RORB: variants seen among roughly 807,000 people sequenced by gnomAD.
The protein encoded by RORB is nuclear receptor ROR-beta.
A neutral mutation model predicts 59.1 loss-of-function variants in RORB; 6 were observed. The ratio of observed to expected loss-of-function variants is 0.10; its 90% CI spans 0.06 to 0.20. The LOEUF (loss-of-function observed/expected upper bound fraction) is 0.20, where lower values mean the gene tolerates loss of function less well. RORB is among the 10% of genes least tolerant of loss of function. The pLI is 1.00. For synonymous variants in RORB, 215 were observed against 204.5 expected, an observed-to-expected ratio of 1.05 and a Z score of -0.44; for missense variants, 320 against 560.5, an observed-to-expected ratio of 0.57 and a Z score of 4.33.
In RORB at chr9:74,689,841, A is replaced by G. The variant is rs1166146759; in HGVS notation, c.*4223A>G. 1 of 152,202 alleles carries G rather than the reference A, an allele frequency of 6.6e-6. No homozygotes were observed. Among genetic ancestry groups the G allele is most frequent in the African/African-American group, 2.4e-5 (1 of 41,432 alleles). 9.4% of individuals were successfully genotyped at this position (152,202 alleles called of 1,614,324 possible). ...TTACCAGCTTTTTTCAAAAACAACA[A>G]TCAGATGCAAATAATGGCAGTGTTG... On this transcript the variant is annotated 3_prime_UTR_variant, in exon 10 of 10. Coordinates refer to ENST00000376896, the MANE Select transcript of RORB (RefSeq NM_006914.4).
chr9:74,675,923 G>C (rs555582575), intron 9 of RORB, among the ~76,000 whole-genome samples: 1 of 152,344 alleles, frequency 6.6e-6, no homozygotes, highest in South Asian at 2.1e-4. Flanking sequence ...GGCAGCAAAT[G>C]TTTGAACTAT....
At chr9:74,509,282 A>T (rs1355257323) in intron 1 of RORB, among the ~76,000 whole-genome samples, 1 of 152,122 alleles carries the variant, frequency 6.6e-6, no homozygotes, top group Non-Finnish European at 1.5e-5. Context: ...AATAATAACA[A>T]ATTCAAAGTA....
chr9:74,530,404 C>G (rs564249905), intron 1 of RORB, among the ~76,000 whole-genome samples: 7 of 152,076 alleles, frequency 4.6e-5, no homozygotes, highest in Non-Finnish European at 8.8e-5. Context: ...GTGAAAACTT[C>G]GCATTGCTTT....
chr9:74,581,101 T>C (rs1822716354), intron 1 of RORB, among the ~76,000 whole-genome samples: 2 of 152,120 alleles, frequency 1.3e-5, no homozygotes. Flanking sequence ...ATAATTTCTC[T>C]GTGTCCCTAA....
intron 4 of RORB, among the ~76,000 whole-genome samples, chr9:74,656,597 G>A (rs577854564): frequency 6.5e-4 from 99 of 152,194 alleles, no homozygotes; most frequent in African/African-American, 2.3e-3. Context: ...TTAGCCAGGT[G>A]TGGTGGTACC....
intron 1 of RORB, among the ~76,000 whole-genome samples, chr9:74,508,080 GT>G (rs528467031): frequency 2.0e-5 from 3 of 151,870 alleles, no homozygotes; most frequent in Non-Finnish European, 4.4e-5. Context: ...AATATGCTGA[GT>G]TTTTTTCCCC....
chr9:74,508,585 A>C (rs190428876), intron 1 of RORB, among the ~76,000 whole-genome samples: 1 of 152,158 alleles, frequency 6.6e-6, no homozygotes, highest in South Asian at 2.1e-4. Flanking sequence ...GACACCTTCT[A>C]TAGTGAAGAA....
intron 1 of RORB, among the ~76,000 whole-genome samples, chr9:74,597,788 G>A (rs533907473): frequency 1.4e-4 from 21 of 152,008 alleles, no homozygotes; most frequent in Admixed American, 3.3e-4. Context: ...GAGAAACCCC[G>A]TCTCTACTAA....
At chr9:74,500,334 A>G (rs1825789549) in intron 1 of RORB, among the ~76,000 whole-genome samples, 1 of 152,132 alleles carries the variant, frequency 6.6e-6, no homozygotes, top group Non-Finnish European at 1.5e-5. Context: ...CCACAGTATG[A>G]GAGGCTGTTC....
chr9:74,512,598 G>A (rs952518286), intron 1 of RORB, among the ~76,000 whole-genome samples: 3 of 152,170 alleles, frequency 2.0e-5, no homozygotes, highest in Non-Finnish European at 2.9e-5. Flanking sequence ...CATCCCACAG[G>A]TAGAGGTCAG....
intron 9 of RORB, among the ~76,000 whole-genome samples, chr9:74,683,522 C>T (rs953296899): frequency 1.5e-4 from 23 of 152,178 alleles, no homozygotes; most frequent in Admixed American, 1.3e-3. Flanking sequence ...GCACACCTCT[C>T]TGGCATTACC....
intron 1 of RORB, among the ~76,000 whole-genome samples, chr9:74,597,683 G>A (rs1822989674): frequency 6.6e-6 from 1 of 152,180 alleles, no homozygotes. Context: ...TGGTGGCTGG[G>A]CATGGTGGCT....
At chr9:74,632,954 T>A (rs1233422384) in intron 2 of RORB, among the ~76,000 whole-genome samples, 1 of 152,154 alleles carries the variant, frequency 6.6e-6, no homozygotes, top group Non-Finnish European at 1.5e-5. Context: ...GTTTATTAAA[T>A]AAGGAATGCA....
At chr9:74,671,717 G>C in intron 8 of RORB, 72 bp from the exon 9 acceptor site, 1 of 815,174 alleles carries the variant, frequency 1.2e-6, no homozygotes, top group Middle Eastern at 2.3e-4. Flanking sequence ...TCTGAAGCTT[G>C]GCACTTATGT....
At chr9:74,664,054 A>G (rs1824230758) in intron 6 of RORB, among the ~76,000 whole-genome samples, 2 of 152,318 alleles carry the variant, frequency 1.3e-5, no homozygotes, top group South Asian at 4.2e-4. Flanking sequence ...TAGAAAACAT[A>G]TGGGATGGAA....
At chr9:74,546,061 T>A (rs1826483703) in intron 1 of RORB, among the ~76,000 whole-genome samples, 1 of 152,182 alleles carries the variant, frequency 6.6e-6, no homozygotes, top group Non-Finnish European at 1.5e-5. Context: ...AGGATGAATA[T>A]AAAGACATGG....
chr9:74,647,582 T>C (rs1369274814), intron 4 of RORB, among the ~76,000 whole-genome samples: 1 of 152,242 alleles, frequency 6.6e-6, no homozygotes, highest in East Asian at 1.9e-4. Context: ...TTATATTGTC[T>C]TTAACACAGA....
intron 1 of RORB, among the ~76,000 whole-genome samples, chr9:74,541,002 C>T (rs1373534299): frequency 6.6e-6 from 1 of 151,920 alleles, no homozygotes; most frequent in African/African-American, 2.4e-5. Context: ...ATTGTTGAGC[C>T]GGGCACCGTG....
intron 1 of RORB, among the ~76,000 whole-genome samples, chr9:74,603,090 A>C (rs1563949849): frequency 6.6e-6 from 1 of 152,172 alleles, no homozygotes; most frequent in Non-Finnish European, 1.5e-5. Flanking sequence ...TAGGGGAAGG[A>C]ATGCATGATC....
Sources: allele counts gnomAD v4.1 joint callset (sites outside exome capture counted in the v4.1 genomes callset), GRCh38; gene constraint gnomAD v4.1.1; transcripts MANE v1.5; gene names NCBI Gene and HGNC (gene_info 2026-07-23, HGNC 2026-07-21).